AASDHPPT: variants seen among roughly 807,000 people sequenced by gnomAD.
The protein encoded by AASDHPPT is aminoadipate-semialdehyde dehydrogenase-phosphopantetheinyl transferase.
In AASDHPPT, 23 loss-of-function variants were observed where a neutral mutation model predicts 36.4. That is an observed-to-expected ratio of 0.63 (90% CI 0.45 to 0.89). The LOEUF is 0.89. Ranked by LOEUF, AASDHPPT falls within the 40% of genes least tolerant of loss-of-function variation. The probability of loss-of-function intolerance (pLI) is 0.00; values close to 1 mark genes in which losing one functional copy is unlikely to be tolerated. For missense variants in AASDHPPT, 377 were observed against 378.2 expected (o/e 1.00, Z 0.03); for synonymous variants, 115 against 128.0 (o/e 0.90, Z 0.68).
At chr11:106,079,043 A>G (rs1861100842) in intron 1 of AASDHPPT, among the ~76,000 whole-genome samples, 1 of 152,238 alleles carries the variant, frequency 6.6e-6, no homozygotes, top group Non-Finnish European at 1.5e-5. Flanking sequence ...ATTATGAAAT[A>G]TGCTACAGTT....
In AASDHPPT at chr11:106,098,404, G is replaced by A. The variant is rs1861341798; in HGVS notation, c.*1497G>A. ...TTATGTGGTTGTAGTGCATGTCTTG[G>A]AGTTAAACTCTTAAGTATCAAGAAG... On this transcript the variant is annotated 3_prime_UTR_variant, in exon 6 of 6. Transcript: ENST00000278618. 1.3e-5 allele frequency: 2 copies of A among 151,976 alleles called. No homozygotes were observed. Among genetic ancestry groups the A allele is most frequent in the Non-Finnish European group, 2.9e-5 (2 of 67,948 alleles). 9.4% of individuals were successfully genotyped at this position (151,976 alleles called of 1,614,324 possible). A position where few individuals can be genotyped will look rare whatever the true frequency, so the allele number is the denominator to read the frequency against.
intron 3 of AASDHPPT, 103 bp downstream of exon 3, chr11:106,090,781 G>T: frequency 7.1e-7 from 1 of 1,412,714 alleles, no homozygotes; most frequent in Non-Finnish European, 9.4e-7. Context: ...AACAGTGCTT[G>T]AAGTAAATGG....
In AASDHPPT at chr11:106,097,666, G is replaced by C. The variant is rs1591546855; in HGVS notation, c.*759G>C. On this transcript the variant is annotated 3_prime_UTR_variant, in exon 6 of 6. Transcript: ENST00000278618. Reference sequence around the variant, plus strand: ...TCTCAAAGGCAGAAAAGGCCATTTCGTCTCTCATTTGTTTTATCCATGAGG... The same window carrying C: ...TCTCAAAGGCAGAAAAGGCCATTTCCTCTCTCATTTGTTTTATCCATGAGG... 1 of 151,996 alleles carries C rather than the reference G, an allele frequency of 6.6e-6. No individual in the cohort carries two copies. Among genetic ancestry groups the C allele is most frequent in the African/African-American group, 2.4e-5 (1 of 41,386 alleles). 9.4% of individuals were successfully genotyped at this position (151,996 alleles called of 1,614,324 possible).
chr11:106,077,940 G>T (rs1201923459), intron 1 of AASDHPPT, 47 bp downstream of exon 1: 7 of 1,585,564 alleles, frequency 4.4e-6, no homozygotes, highest in South Asian at 1.1e-5. Flanking sequence ...AGCAGATCTT[G>T]GGGGAGGCGG....
At chr11:106,079,330 G>T in intron 1 of AASDHPPT, 137 bp from the exon 2 acceptor site, 1 of 669,030 alleles carries the variant, frequency 1.5e-6, no homozygotes. Flanking sequence ...CTTAATTAAC[G>T]TGTGTTTAAT....
chr11:106,081,979 C>T (rs1861146835), intron 2 of AASDHPPT, among the ~76,000 whole-genome samples: 1 of 151,436 alleles, frequency 6.6e-6, no homozygotes, highest in African/African-American at 2.4e-5. Context: ...GCACATTGTG[C>T]ACATGTACCC....
At chr11:106,080,040 G>A (rs1861118953) in intron 2 of AASDHPPT, among the ~76,000 whole-genome samples, 2 of 152,126 alleles carry the variant, frequency 1.3e-5, no homozygotes, top group South Asian at 4.1e-4. Flanking sequence ...AAAAGAATCT[G>A]AATAGTAAAG....
At chr11:106,082,448 G>A (rs1056125139) in intron 2 of AASDHPPT, among the ~76,000 whole-genome samples, 1 of 152,170 alleles carries the variant, frequency 6.6e-6, no homozygotes, top group Non-Finnish European at 1.5e-5. Flanking sequence ...AGCAAGGAAA[G>A]TACTCTGTTT....
At chr11:106,079,001 C>G (rs533469003) in intron 1 of AASDHPPT, among the ~76,000 whole-genome samples, 1 of 152,110 alleles carries the variant, frequency 6.6e-6, no homozygotes, top group East Asian at 1.9e-4. Context: ...AGTCTAGAGC[C>G]AGCCTAAAAT....
At chr11:106,089,433 A>G (rs572714880) in intron 2 of AASDHPPT, 1 of 152,204 alleles carries the variant, frequency 6.6e-6, no homozygotes, top group Non-Finnish European at 1.5e-5. Context: ...TAATGAACTA[A>G]GGATACAGGG....
intron 2 of AASDHPPT, among the ~76,000 whole-genome samples, chr11:106,087,237 A>T (rs987116336): frequency 6.6e-6 from 1 of 152,196 alleles, no homozygotes; most frequent in Non-Finnish European, 1.5e-5. Context: ...TGTGAAACCT[A>T]TATTGGCAGC....
rs151051800 is a variant in AASDHPPT at position 106,078,435 on chromosome 11, A to G, written c.183+542A>G. On this transcript the variant is annotated intron_variant, in intron 1 of 5. Transcript: ENST00000278618. ...GAGGATACCTTCCTCACTAGATGCC[A>G]TGGGAAACAGTATTTTACGTAGATT... Among the ~76,000 whole-genome samples, 8 of 152,332 alleles carry G rather than the reference A, an allele frequency of 5.3e-5. No individual in the cohort carries two copies. In the East Asian group the frequency reaches 7.7e-4, roughly 15 times the overall value.
rs1407647048 is a variant in AASDHPPT at position 106,097,535 on chromosome 11, T to G, written c.*628T>G. On this transcript the variant is annotated 3_prime_UTR_variant, in exon 6 of 6. Transcript: ENST00000278618. ...TCAGGGGTGTCATTAAAGACACACT[T>G]TTTTTGCCTTGACCTCAGTTGGTTT... 1 of 152,140 alleles carries G rather than the reference T, an allele frequency of 6.6e-6. No homozygotes were observed. Among genetic ancestry groups the G allele is most frequent in the Non-Finnish European group, 1.5e-5 (1 of 68,006 alleles). The allele number at this position is 152,140 out of a possible 1,614,324, so 9.4% of individuals were successfully genotyped here. A position where few individuals can be genotyped will look rare whatever the true frequency, so the allele number is the denominator to read the frequency against.
chr11:106,091,457 G>A lies in AASDHPPT; in HGVS notation c.673G>A (p.Glu225Lys). Reference protein sequence around the residue: ...ETRLFLDGEEEKEWAFEESKI... With the variant: ...ETRLFLDGEEKKEWAFEESKI... ...ACGTTTATTCCTGGATGGAGAGGAA[G>A]AAAAAGAATGGGCATTTGAGGTAAG... The change falls in exon 4 of 6, where the codon GAA (glutamate) becomes AAA (lysine). Residue 225 changes from glutamate to lysine, a missense_variant. Physicochemically the swap from Glu to Lys is moderately conservative, Grantham distance 56 (BLOSUM62 1). Coordinates refer to ENST00000278618, the MANE Select transcript of AASDHPPT (RefSeq NM_015423.3). 6.3e-7 allele frequency: 1 copy of A among 1,577,984 alleles called. No homozygotes were observed. Among genetic ancestry groups the A allele is most frequent in the South Asian group, 1.2e-5 (1 of 84,596 alleles).
At position 106,098,365 on chromosome 11, in the gene AASDHPPT, A is replaced by G. The variant is rs150930147; in HGVS notation, c.*1458A>G. On this transcript the variant is annotated 3_prime_UTR_variant, in exon 6 of 6. Coordinates refer to ENST00000278618, the MANE Select transcript of AASDHPPT (RefSeq NM_015423.3). ...ATAAGATGCCAGGACCATCATATTGATGACAAAAATCTATTATGTGGTTGT... is the reference window on the plus strand; with the variant it reads ...ATAAGATGCCAGGACCATCATATTGGTGACAAAAATCTATTATGTGGTTGT... The G allele has an allele frequency of 9.2e-5, 14 of 152,238 alleles. No homozygotes were observed. In the East Asian group the frequency reaches 2.7e-3, roughly 29 times the overall value. 9.4% of individuals were successfully genotyped at this position (152,238 alleles called of 1,614,324 possible).
At chr11:106,094,401 C>T (rs931261178) in intron 4 of AASDHPPT, 182 bp from the exon 5 acceptor site, 5 of 433,146 alleles carry the variant, frequency 1.2e-5, no homozygotes, top group African/African-American at 1.0e-4. Context: ...AAAGGGCCAG[C>T]ACATATGTAA....
chr11:106,093,084 G>A (rs981341331), intron 4 of AASDHPPT: 1 of 152,124 alleles, frequency 6.6e-6, no homozygotes, highest in African/African-American at 2.4e-5. Flanking sequence ...AGTAGTGTTG[G>A]TATCCAAGGA....
At chr11:106,092,473 TATAATC>T (rs1462388881) in intron 4 of AASDHPPT, 1 of 152,068 alleles carries the variant, frequency 6.6e-6, no homozygotes, top group East Asian at 1.9e-4. Context: ...GGAAAAAAAT[TATAATC>T]ATAATGGTTA....
chr11:106,080,448 T>C (rs1591542964), intron 2 of AASDHPPT, among the ~76,000 whole-genome samples: 2 of 152,216 alleles, frequency 1.3e-5, no homozygotes, highest in South Asian at 4.1e-4. Flanking sequence ...CCTTAGAAAT[T>C]TGTTAGTGGT....
Sources: allele counts gnomAD v4.1 joint callset (sites outside exome capture counted in the v4.1 genomes callset), GRCh38; gene constraint gnomAD v4.1.1; transcripts MANE v1.5; gene names NCBI Gene and HGNC (gene_info 2026-07-23, HGNC 2026-07-21).